FRY: variants seen among roughly 807,000 people sequenced by gnomAD.
The protein encoded by FRY is FRY microtubule binding protein.
In FRY, 128 loss-of-function variants were observed where a neutral mutation model predicts 348.4. The observed-to-expected ratio is 0.37, with a 90% CI of 0.32 to 0.43. The LOEUF is 0.43. Ranked by LOEUF, FRY falls within the 20% of genes least tolerant of loss-of-function variation. The probability of loss-of-function intolerance (pLI) is 1.00; values close to 1 mark genes in which losing one functional copy is unlikely to be tolerated. For synonymous variants in FRY, 1,370 were observed against 1,374.7 expected, an observed-to-expected ratio of 1.00 and a Z score of 0.08; for missense variants, 2,736 against 3,695.2, an observed-to-expected ratio of 0.74 and a Z score of 6.73.
chr13:32,218,998 TA>T (rs150901093), intron 36 of FRY, among the ~76,000 whole-genome samples, 167 bp downstream of exon 36: 22 of 140,998 alleles, frequency 1.6e-4, no homozygotes, highest in Admixed American at 1.4e-4. Context: ...CCTCAAAAGT[TA>T]AAAAAAAAAG....
At chr13:32,292,970 A>C (rs1045159287) in intron 59 of FRY, among the ~76,000 whole-genome samples, 6 of 152,196 alleles carry the variant, frequency 3.9e-5, no homozygotes, top group African/African-American at 7.2e-5. Context: ...CTGAAGGCAC[A>C]GATGATTGTT....
intron 55 of FRY, among the ~76,000 whole-genome samples, chr13:32,273,347 C>G (rs368219426): frequency 5.3e-5 from 8 of 151,998 alleles, no homozygotes; most frequent in Non-Finnish European, 7.4e-5. Flanking sequence ...CTCAGCCTCC[C>G]GAGTAGCTGG....
At chr13:32,219,911 A>C (rs996005115) in intron 36 of FRY, among the ~76,000 whole-genome samples, 2 of 152,196 alleles carry the variant, frequency 1.3e-5, no homozygotes, top group Non-Finnish European at 2.9e-5. Context: ...GCTTTGTGAC[A>C]GGAATTTCTT....
At chr13:32,127,014 A>G (rs1879060850) in intron 7 of FRY, among the ~76,000 whole-genome samples, 1 of 152,148 alleles carries the variant, frequency 6.6e-6, no homozygotes, top group South Asian at 2.1e-4. Context: ...CTTACTAGTG[A>G]TGATGCTGTT....
intron 1 of FRY, among the ~76,000 whole-genome samples, chr13:32,071,331 CT>C (rs1874644844): frequency 6.6e-6 from 1 of 152,130 alleles, no homozygotes; most frequent in African/African-American, 2.4e-5. Context: ...GATATTGATT[CT>C]TCCTATCCAT....
chr13:32,218,696 AGC>A, intron 35 of FRY, 51 bp from the exon 36 acceptor site: 1 of 928,768 alleles, frequency 1.1e-6, no homozygotes. Context: ...AAAAAAAAAA[AGC>A]GCATATGCAC....
intron 18 of FRY, among the ~76,000 whole-genome samples, chr13:32,172,103 A>G (rs1015246199): frequency 2.6e-5 from 4 of 151,194 alleles, no homozygotes; most frequent in African/African-American, 9.7e-5. Context: ...GGATGTGGAT[A>G]TAAATGGATG....
rs1291516197 is a variant in FRY, at chr13:32,078,837, C to T, written c.74C>T (p.Ser25Phe). ...GAATGCCCATTCTGTTTTTCAGCTT[C>T]TCCCGTTGGCAACGGTTACATCAAG... ...KYLLKSWSNT[S>F]PVGNGYIKPP... The change falls in exon 2 of 61, where the codon TCT (serine) becomes TTT (phenylalanine). Residue 25 changes from serine to phenylalanine, a missense_variant. Ser to Phe is a radical substitution (Grantham distance 155). Transcript: ENST00000542859. The T allele has an allele frequency of 6.2e-7, 1 of 1,613,476 alleles. No homozygotes were observed.
At chr13:32,143,886 G>C (rs545231062) in intron 11 of FRY, among the ~76,000 whole-genome samples, 1 of 152,164 alleles carries the variant, frequency 6.6e-6, no homozygotes, top group East Asian at 1.9e-4. Flanking sequence ...ATGGAGGTAG[G>C]ATTATCATCT....
chr13:32,036,456 A>G (rs2138344636), intron 1 of FRY, among the ~76,000 whole-genome samples: 1 of 152,042 alleles, frequency 6.6e-6, no homozygotes, highest in African/African-American at 2.4e-5. Context: ...TGGGCTTATG[A>G]TTAAGACAAA....
intron 56 of FRY, chr13:32,275,220 T>C: frequency 3.1e-5 from 5 of 162,412 alleles, no homozygotes; most frequent in South Asian, 2.1e-4. Context: ...CTATTAAAAA[T>C]ACAAAAAAAA....
At chr13:32,270,976 C>T (rs147350345) in intron 55 of FRY, among the ~76,000 whole-genome samples, 3 of 152,306 alleles carry the variant, frequency 2.0e-5, no homozygotes, top group African/African-American at 7.2e-5. Context: ...GGGTTCATTA[C>T]CAAGACCGAC....
chr13:32,135,121 A>C lies in FRY; in HGVS notation c.1015A>C (p.Asn339His). 4 of 1,612,992 alleles carry C rather than the reference A, an allele frequency of 2.5e-6. No individual in the cohort carries two copies. Among genetic ancestry groups the C allele is most frequent in the Non-Finnish European group, 3.4e-6 (4 of 1,178,982 alleles). The change falls in exon 10 of 61, where the codon AAT becomes CAT. Residue 339 changes from asparagine (N) to histidine (H), a missense_variant. Transcript: ENST00000542859. ...TGAAGTAAATGTTCCCTGCCTTAGA[A>C]ATTTTGTGGAAAGCCTGTATGACAC... ...KNEVNVPCLRNFVESLYDTTL... is the reference protein window; with the variant it reads ...KNEVNVPCLRHFVESLYDTTL...
At chr13:32,274,389 A>G (rs2138592776) in intron 55 of FRY, among the ~76,000 whole-genome samples, 1 of 152,262 alleles carries the variant, frequency 6.6e-6, no homozygotes, top group Non-Finnish European at 1.5e-5. Context: ...TGTACACAGT[A>G]AACATATACA....
intron 29 of FRY, among the ~76,000 whole-genome samples, chr13:32,201,519 C>T (rs1884029231): frequency 6.6e-6 from 1 of 152,230 alleles, no homozygotes; most frequent in African/African-American, 2.4e-5. Context: ...TTGTTTGGCA[C>T]TTAATAAATT....
At chr13:32,032,035 CTT>C (rs1355306525) in intron 1 of FRY, among the ~76,000 whole-genome samples, 170 bp downstream of exon 1, 3 of 138,678 alleles carry the variant, frequency 2.2e-5, no homozygotes, top group African/African-American at 8.1e-5. Context: ...TTCTTTCTTT[CTT>C]TCTTTCTTTT....
At chr13:32,132,714 T>C (rs1008601960) in intron 8 of FRY, among the ~76,000 whole-genome samples, 3 of 152,206 alleles carry the variant, frequency 2.0e-5, no homozygotes, top group African/African-American at 4.8e-5. Context: ...TGAAAATATA[T>C]GTCCACACAA....
intron 14 of FRY, among the ~76,000 whole-genome samples, chr13:32,153,918 A>T (rs1299625622): frequency 6.6e-6 from 1 of 152,070 alleles, no homozygotes; most frequent in Non-Finnish European, 1.5e-5. Context: ...AACTATATGA[A>T]ACTTAAAAAA....
chr13:32,245,891 G>A (rs1886768968), intron 47 of FRY, among the ~76,000 whole-genome samples: 2 of 152,352 alleles, frequency 1.3e-5, no homozygotes, highest in African/African-American at 4.8e-5. Context: ...GCTCATTGAT[G>A]AAGATATACC....
Sources: allele counts gnomAD v4.1 joint callset (sites outside exome capture counted in the v4.1 genomes callset), GRCh38; gene constraint gnomAD v4.1.1; transcripts MANE v1.5; gene names NCBI Gene and HGNC (gene_info 2026-07-23, HGNC 2026-07-21).